The following PTPN22 variants were observed in gnomAD, a reference collection of about 807,000 sequenced individuals.
The protein encoded by PTPN22 is tyrosine-protein phosphatase non-receptor type 22.
Under a neutral mutation model 103.3 loss-of-function variants are expected in PTPN22, and 85 were observed. That is an observed-to-expected ratio of 0.82 (90% CI 0.69 to 0.99). PTPN22 has a LOEUF of 0.99. PTPN22 is among the 50% of genes least tolerant of loss of function. PTPN22 has a pLI of 0.00. For synonymous variants in PTPN22, 323 were observed against 310.2 expected (o/e 1.04, Z -0.43); for missense variants, 865 against 936.9 (o/e 0.92, Z 1.00).
At chr1:113,832,986 A>G (rs1271652324) in intron 16 of PTPN22, 125 bp downstream of exon 16, 5 of 950,450 alleles carry the variant, frequency 5.3e-6, no homozygotes, top group African/African-American at 1.7e-5. Context: ...CCAGAAATAA[A>G]TCAATGAATA....
chr1:113,867,282 T>C (rs1040430001), intron 1 of PTPN22, among the ~76,000 whole-genome samples: 1 of 152,176 alleles, frequency 6.6e-6, no homozygotes, highest in African/African-American at 2.4e-5. Context: ...CTCAGTGTCA[T>C]TGGATGAAGT....
At chr1:113,824,066 C>A (rs1373632449) in intron 19 of PTPN22, among the ~76,000 whole-genome samples, 1 of 151,720 alleles carries the variant, frequency 6.6e-6, no homozygotes, top group Non-Finnish European at 1.5e-5. Flanking sequence ...ACTGATTAAC[C>A]AAATGTATCA....
chr1:113,816,270 C>T (rs1188229221), intron 20 of PTPN22, among the ~76,000 whole-genome samples: 1 of 151,886 alleles, frequency 6.6e-6, no homozygotes, highest in Non-Finnish European at 1.5e-5. Flanking sequence ...CCGAGGAGTT[C>T]AAGACCAGCC....
chr1:113,835,521 A>AAAT (rs907672142), intron 13 of PTPN22, among the ~76,000 whole-genome samples: 2 of 152,084 alleles, frequency 1.3e-5, no homozygotes, highest in Non-Finnish European at 2.9e-5. Flanking sequence ...CCGTCTCAAA[A>AAAT]AATAATAATA....
At chr1:113,824,966 C>CAAAAAAAAAAAAAAA (rs35424386) in intron 19 of PTPN22, among the ~76,000 whole-genome samples, 176 bp downstream of exon 19, 1 of 65,150 alleles carries the variant, frequency 1.5e-5, no homozygotes, top group Non-Finnish European at 3.0e-5. Flanking sequence ...TGAAGCCTAG[C>CAAAAAAAAAAAAAAA]AAAAAAAAAA....
intron 1 of PTPN22, among the ~76,000 whole-genome samples, chr1:113,869,941 T>C (rs1453957422): frequency 6.6e-6 from 1 of 152,178 alleles, no homozygotes; most frequent in African/African-American, 2.4e-5. Flanking sequence ...AGATTATCCA[T>C]GTTGAGCTGA....
chr1:113,851,900 G>T, intron 10 of PTPN22, 127 bp downstream of exon 10: 1 of 522,084 alleles, frequency 1.9e-6, no homozygotes, highest in Non-Finnish European at 3.2e-6. Context: ...AATGGCAATG[G>T]ACTCTAGAGC....
exon 2 of PTPN22, chr1:113,859,458 C>T (rs1181762668): frequency 6.2e-7 from 1 of 1,608,586 alleles, no homozygotes; most frequent in South Asian, 1.1e-5. Context: ...GCCTTTTCAG[C>T]TTCTGTAATA....
intron 1 of PTPN22, among the ~76,000 whole-genome samples, chr1:113,869,970 A>G (rs772119221): frequency 6.6e-5 from 10 of 152,160 alleles, no homozygotes; most frequent in Non-Finnish European, 1.5e-4. Flanking sequence ...TTCCTATCAT[A>G]ATATCTAATC....
chr1:113,815,769 C>T (rs1273484131), intron 20 of PTPN22, among the ~76,000 whole-genome samples: 2 of 152,210 alleles, frequency 1.3e-5, no homozygotes, highest in African/African-American at 4.8e-5. Flanking sequence ...ACCTCCGCCT[C>T]CCGGGTTCAA....
At chr1:113,821,259 G>T (rs578005087) in intron 19 of PTPN22, among the ~76,000 whole-genome samples, 6 of 152,148 alleles carry the variant, frequency 3.9e-5, no homozygotes, top group African/African-American at 1.4e-4. Context: ...ATATATCAGA[G>T]GAAACTGCTA....
At position 113,837,792 on chromosome 1, in the gene PTPN22, A is replaced by C. The variant is rs749825319; in HGVS notation, c.1608T>G (p.Tyr536Ter). The change falls in exon 13 of 21, where the codon TAT becomes TAG. Residue 536 changes from tyrosine (Y) to a stop codon, truncating the protein, a stop_gained. Transcript: ENST00000359785. LOFTEE classifies it high-confidence loss of function. ...TACCACTTGGAGGCCATGATGAAAA[A>C]TAAGGATTTTCCACTAAAGGTATGT... 5 of 1,613,896 alleles carry C rather than the reference A, an allele frequency of 3.1e-6. No homozygotes were observed. The South Asian group carries it at 5.5e-5, about 18-fold the overall frequency.
chr1:113,854,410 A>G lies in PTPN22; in HGVS notation c.750+61T>C, dbSNP rs1476712535. The stretch of plus-strand genomic sequence containing the variant: ...GATAGATGTTTTGAAAAACCAAACA[A>G]TTACTAAGTATGAAAGCAGTAGACT... On this transcript the variant is annotated intron_variant, in intron 9 of 20. Coordinates refer to ENST00000359785, the Ensembl canonical transcript of PTPN22. 8 of 1,459,208 alleles carry G rather than the reference A, an allele frequency of 5.5e-6. No individual in the cohort carries two copies. The South Asian group carries it at 8.1e-5, about 15-fold the overall frequency. The allele number at this position is 1,459,208 out of a possible 1,614,324, so 90.4% of individuals were successfully genotyped here.
intron 10 of PTPN22, among the ~76,000 whole-genome samples, chr1:113,850,234 AAGGAAGGAAGG>A (rs1033968908): frequency 2.0e-5 from 3 of 147,518 alleles, no homozygotes; most frequent in African/African-American, 7.6e-5. Flanking sequence ...GGAAGGAAGG[AAGGAAGGAAGG>A]AAGGAAGGAA....
chr1:113,830,117 A>C, intron 16 of PTPN22, 88 bp from the exon 17 acceptor site: 2 of 910,006 alleles, frequency 2.2e-6, no homozygotes, highest in Non-Finnish European at 3.3e-6. Flanking sequence ...ATAATTTTTT[A>C]ATCAATCAAT....
intron 7 of PTPN22, among the ~76,000 whole-genome samples, chr1:113,855,332 T>A (rs1226840435): frequency 1.3e-5 from 2 of 151,788 alleles, no homozygotes; most frequent in Non-Finnish European, 2.9e-5. Flanking sequence ...CTGTCTCTAC[T>A]AAAAATACAA....
At chr1:113,868,392 T>C (rs1666296884) in intron 1 of PTPN22, among the ~76,000 whole-genome samples, 1 of 152,114 alleles carries the variant, frequency 6.6e-6, no homozygotes, top group Non-Finnish European at 1.5e-5. Flanking sequence ...CCTGGGAGAA[T>C]ACATTAAGGG....
chr1:113,825,193 GT>G, intron 18 of PTPN22, 21 bp from the exon 19 acceptor site: 1 of 1,432,500 alleles, frequency 7.0e-7, no homozygotes, highest in Non-Finnish European at 9.6e-7. Context: ...AAGGAAAAAT[GT>G]TAGTTTTTTT....
rs564900125 is a variant in PTPN22 at position 113,822,625 on chromosome 1, G to C, written c.2281+2517C>G. 1.3e-4 allele frequency among the ~76,000 whole-genome samples: 20 copies of C among 152,142 alleles called. No homozygotes were observed. The South Asian group carries it at 3.9e-3, about 30-fold the overall frequency. ...TCTTCTCTGGACCCTTTGGCTGGCTGGCTGCTCCTTCATGTTTTGGGTTCA... is the reference window on the plus strand; with the variant it reads ...TCTTCTCTGGACCCTTTGGCTGGCTCGCTGCTCCTTCATGTTTTGGGTTCA... On this transcript the variant is annotated intron_variant, in intron 19 of 20. Transcript: ENST00000359785.
Sources: allele counts gnomAD v4.1 joint callset (sites outside exome capture counted in the v4.1 genomes callset), GRCh38; gene constraint gnomAD v4.1.1; transcripts MANE v1.5; gene names NCBI Gene and HGNC (gene_info 2026-07-23, HGNC 2026-07-21).